The following CALCR variants were observed in gnomAD, a reference collection of about 807,000 sequenced individuals.
The protein encoded by CALCR is calcitonin receptor.
CALCR carries 47 observed loss-of-function variants against 59.5 expected under a neutral mutation model. That is an observed-to-expected ratio of 0.79 (90% CI 0.63 to 1.01). CALCR has a LOEUF of 1.01. Ranked by LOEUF, CALCR falls within the 50% of genes least tolerant of loss-of-function variation. The pLI is 0.00. For missense variants in CALCR, 566 were observed against 597.1 expected (o/e 0.95, Z 0.54); for synonymous variants, 213 against 211.3 (o/e 1.01, Z -0.07).
intron 2 of CALCR, among the ~76,000 whole-genome samples, chr7:93,526,862 G>T (rs1198870955): frequency 1.3e-5 from 2 of 151,928 alleles, no homozygotes; most frequent in Non-Finnish European, 2.9e-5. Flanking sequence ...GCATGAGATT[G>T]TGACCAATTA....
At chr7:93,533,107 A>T (rs1329790216) in intron 2 of CALCR, among the ~76,000 whole-genome samples, 1 of 151,960 alleles carries the variant, frequency 6.6e-6, no homozygotes, top group Admixed American at 6.6e-5. Flanking sequence ...TAAATTGAAA[A>T]ATACTCTAAT....
rs147503225 is a variant in CALCR, at chr7:93,426,412, C to T, written c.1369G>A (p.Glu457Lys). The change falls in exon 14 of 14, where the codon GAG becomes AAG. Residue 457 changes from glutamate to lysine, a missense_variant. Coordinates refer to ENST00000426151, the MANE Select transcript of CALCR (RefSeq NM_001742.4). ...AAAGGGATGATCTCAGCACTCTCCT[C>T]GCCTTGGTTGTTGGCTGGTTCATTC... The part of the protein sequence containing the change: ...LRNEPANNQG[E>K]ESAEIIPLNI... 5,262 of 1,613,848 alleles carry T rather than the reference C, an allele frequency of 3.3e-3. 13 individuals are homozygous for T. The highest frequency in any genetic ancestry group is 4.1e-3 in the Non-Finnish European group (4,789 of 1,179,756).
chr7:93,426,746 T>C (rs1209392415), intron 13 of CALCR, among the ~76,000 whole-genome samples, 157 bp from the exon 14 acceptor site: 3 of 152,234 alleles, frequency 2.0e-5, no homozygotes, highest in African/African-American at 4.8e-5. Flanking sequence ...CCACAGAATA[T>C]ATCAACTTGG....
rs1209582894 is a variant in CALCR, at chr7:93,486,991, T to C, written c.-10A>G. The C allele has an allele frequency of 1.3e-6, 2 of 1,578,508 alleles. No homozygotes were observed. Among genetic ancestry groups the C allele is most frequent in the Admixed American group, 1.7e-5 (1 of 59,250 alleles). On this transcript the variant is annotated 5_prime_UTR_variant, in exon 3 of 14. Transcript: ENST00000426151. ...TAAATGTGAACCTCATTTTTGATTT[T>C]TGAAGATCTCTTTGTCCTAGAAAAA... is the stretch of plus-strand genomic sequence containing the variant.
intron 7 of CALCR, chr7:93,462,048 C>A: frequency 7.0e-7 from 1 of 1,421,234 alleles, no homozygotes; most frequent in South Asian, 1.3e-5. Context: ...ACAAAAATAG[C>A]CTGGGTTTAC....
chr7:93,519,207 C>G (rs557676517), intron 2 of CALCR, among the ~76,000 whole-genome samples: 1 of 151,896 alleles, frequency 6.6e-6, no homozygotes, highest in Non-Finnish European at 1.5e-5. Context: ...AATTTAAATT[C>G]TATAAACTTG....
At chr7:93,564,139 G>T (rs1789807345) in intron 2 of CALCR, among the ~76,000 whole-genome samples, 1 of 152,014 alleles carries the variant, frequency 6.6e-6, no homozygotes, top group Admixed American at 6.6e-5. Flanking sequence ...TTTGATCAAA[G>T]TTTCACACTT....
intron 2 of CALCR, among the ~76,000 whole-genome samples, chr7:93,532,922 T>C (rs1336609391): frequency 6.8e-6 from 1 of 146,146 alleles, no homozygotes; most frequent in Non-Finnish European, 1.5e-5. Flanking sequence ...AGGGTGATAA[T>C]AGTACTTGCC....
intron 2 of CALCR, among the ~76,000 whole-genome samples, chr7:93,503,141 A>G (rs1438326756): frequency 1.3e-5 from 2 of 152,088 alleles, no homozygotes; most frequent in Non-Finnish European, 2.9e-5. Flanking sequence ...TTACATGATA[A>G]CTATGGGGCA....
intron 2 of CALCR, among the ~76,000 whole-genome samples, chr7:93,500,586 C>G (rs10230153): frequency 7.2e-5 from 11 of 151,894 alleles, no homozygotes; most frequent in African/African-American, 2.7e-4. Context: ...ATACATTTAT[C>G]TTTGTATGTT....
chr7:93,460,575 ATATATATATATATATATG>A (rs1800303361), intron 8 of CALCR, among the ~76,000 whole-genome samples: 7 of 99,706 alleles, frequency 7.0e-5, no homozygotes, highest in African/African-American at 1.1e-4. Flanking sequence ...AAAAAAAAAT[ATATATATATATATATATG>A]TATATATATA....
intron 2 of CALCR, among the ~76,000 whole-genome samples, chr7:93,564,239 T>C (rs1273022884): frequency 1.3e-5 from 2 of 151,904 alleles, no homozygotes. Context: ...GGGAACCAAG[T>C]GGTGAATGTG....
At chr7:93,437,857 T>C (rs1199657021) in intron 11 of CALCR, among the ~76,000 whole-genome samples, 1 of 152,122 alleles carries the variant, frequency 6.6e-6, no homozygotes, top group Non-Finnish European at 1.5e-5. Context: ...GTAATGAAAA[T>C]GAGCTCATGA....
chr7:93,551,735 G>T (rs1263322843), intron 2 of CALCR, among the ~76,000 whole-genome samples: 1 of 152,110 alleles, frequency 6.6e-6, no homozygotes, highest in Admixed American at 6.6e-5. Context: ...GTCAGCAAAG[G>T]TATCTGTAGT....
chr7:93,479,755 C>CAT (rs1800753427), intron 3 of CALCR, among the ~76,000 whole-genome samples: 1 of 151,474 alleles, frequency 6.6e-6, no homozygotes, highest in Non-Finnish European at 1.5e-5. Flanking sequence ...AACACCTACA[C>CAT]ACTCATATAC....
At chr7:93,468,214 A>G (rs1800479853) in intron 7 of CALCR, among the ~76,000 whole-genome samples, 1 of 151,840 alleles carries the variant, frequency 6.6e-6, no homozygotes, top group African/African-American at 2.4e-5. Context: ...CATAAAACCT[A>G]AAGACAAGCA....
intron 2 of CALCR, among the ~76,000 whole-genome samples, chr7:93,531,708 A>T (rs550201869): frequency 2.3e-4 from 35 of 152,092 alleles, no homozygotes; most frequent in Non-Finnish European, 4.0e-4. Flanking sequence ...CATGTCAACA[A>T]TGCCAACTGT....
At position 93,435,818 on chromosome 7, in the gene CALCR, AT is replaced by A. The variant is rs1190666188; in HGVS notation, c.1149+133del. The A allele has an allele frequency of 3.2e-3, 800 of 251,916 alleles. 6 individuals are homozygous for A. Among genetic ancestry groups the A allele is most frequent in the Non-Finnish European group, 3.2e-3 (481 of 152,494 alleles). The allele number at this position is 251,916 out of a possible 1,614,324, so 15.6% of individuals were successfully genotyped here. On this transcript the variant is annotated intron_variant, in intron 12 of 13. Coordinates refer to ENST00000426151, the MANE Select transcript of CALCR (RefSeq NM_001742.4). ...GAGACTCTGTGTCAAAAAAAATAAA[AT>A]AAAATAATAAATAAATAAATAAATA...
Position 93,425,151 on chromosome 7 carries a change from G to C in CALCR, c.*1205C>G, listed in dbSNP as rs1799497252. On this transcript the variant is annotated 3_prime_UTR_variant, in exon 14 of 14. Coordinates refer to ENST00000426151, the MANE Select transcript of CALCR (RefSeq NM_001742.4). The stretch of plus-strand genomic sequence containing the variant: ...CAAAAATCTTATACTGGGAAGTAAA[G>C]AGAGATATGATAATATAATACTGGA... 1 of 152,598 alleles carries C rather than the reference G, an allele frequency of 6.6e-6. No individual in the cohort carries two copies. The highest frequency in any genetic ancestry group is 2.4e-5 in the African/African-American group (1 of 41,450). 9.5% of individuals were successfully genotyped at this position (152,598 alleles called of 1,614,324 possible).
Sources: gnomAD v4.1 joint callset for allele counts (sites outside exome capture counted in the v4.1 genomes callset) on GRCh38, gnomAD v4.1.1 for gene constraint, MANE v1.5 for transcripts, NCBI Gene and HGNC (gene_info 2026-07-23, HGNC 2026-07-21) for gene names.